The following ANO9 variants were observed in gnomAD, a reference collection of about 807,000 sequenced individuals.
ANO9 encodes anoctamin 9.
A neutral mutation model predicts 100.5 loss-of-function variants in ANO9; 80 were observed. The observed-to-expected ratio is 0.80, with a 90% CI of 0.66 to 0.96. The LOEUF is 0.96. Ranked by LOEUF, ANO9 falls within the 40% of genes least tolerant of loss-of-function variation. The pLI, the probability that ANO9 is intolerant of heterozygous loss-of-function variation, is 0.00. For missense variants in ANO9, 1,064 were observed against 1,072.7 expected, an observed-to-expected ratio of 0.99 and a Z score of 0.11; for synonymous variants, 473 against 435.6, an observed-to-expected ratio of 1.09 and a Z score of -1.07.
chr11:433,819 AT>A lies in ANO9; in HGVS notation c.199del (p.Ile67LeufsTer3). On this transcript the variant is annotated frameshift_variant, in exon 3 of 23. Transcript: ENST00000332826. LOFTEE classifies it high-confidence loss of function. The stretch of plus-strand genomic sequence containing the variant: ...CCTCGCTGGGCACCCGCCCACCTTA[AT>A]GTGGAAGCCCTTTCTCCTGAGCTCC... ...LEELRRKGFHIKVIRDQKQVF... is the reference protein window; with the variant it reads ...LEELRRKGFHXKVIRDQKQVF... 1 of 1,560,360 alleles carries A rather than the reference AT, an allele frequency of 6.4e-7. No homozygotes were observed. Among genetic ancestry groups the A allele is most frequent in the South Asian group, 1.2e-5 (1 of 84,776 alleles).
At chr11:438,243 C>G (rs1047407798) in intron 1 of ANO9, among the ~76,000 whole-genome samples, 1 of 151,856 alleles carries the variant, frequency 6.6e-6, no homozygotes, top group African/African-American at 2.4e-5. Flanking sequence ...TACACGCACA[C>G]CTGGGGCGTG....
In ANO9 at chr11:421,046, CG is replaced by C. The variant is rs1564905859; in HGVS notation, c.1393-5del. 1.3e-6 allele frequency: 2 copies of C among 1,599,778 alleles called. No individual in the cohort carries two copies. Among genetic ancestry groups the C allele is most frequent in the South Asian group, 1.1e-5 (1 of 90,574 alleles). ...TCATGCAGCCGCTGGCGTGGCACTG[CG>C]GGGCCAGACAGGAGGAGATCAGGGA... On this transcript the variant is annotated splice_polypyrimidine_tract_variant and splice_region_variant and intron_variant, in intron 16 of 22. Transcript: ENST00000332826. The surrounding 1 kb of genome is among the most constrained non-coding windows in gnomAD (Gnocchi z 6.8).
chr11:418,580 A>G lies in ANO9; in HGVS notation c.2140T>C (p.Leu714=), dbSNP rs535183935. 1 of 1,612,960 alleles carries G rather than the reference A, an allele frequency of 6.2e-7. No homozygotes were observed. The highest frequency in any genetic ancestry group is 1.7e-5 in the Admixed American group (1 of 60,030). Residue 714 remains leucine (L), a synonymous_variant, in exon 23 of 23, where the codon TTG becomes CTG. Coordinates refer to ENST00000332826, the MANE Select transcript of ANO9 (RefSeq NM_001012302.3). ...CAGGCGGCGATGAGCTTGATGCACA[A>G]GGCCACGTGCTAGCGGCAGCACAGG... ...AFVILFEHVA[L]CIKLIAAWFV... is the part of the protein sequence containing the mutation.
intron 1 of ANO9, among the ~76,000 whole-genome samples, chr11:437,356 G>A (rs1459215522): frequency 6.6e-6 from 1 of 152,192 alleles, no homozygotes; most frequent in African/African-American, 2.4e-5. Flanking sequence ...GATGGGCTCA[G>A]GTAGACACCA....
chr11:435,694 GT>G (rs1849460270), intron 1 of ANO9, among the ~76,000 whole-genome samples: 1 of 151,796 alleles, frequency 6.6e-6, no homozygotes, highest in African/African-American at 2.4e-5. Context: ...GTCTAGTCTA[GT>G]CTAGTCTAGT....
chr11:435,226 GTAGTATGGTA>G (rs1387327817), intron 1 of ANO9, among the ~76,000 whole-genome samples: 2 of 151,600 alleles, frequency 1.3e-5, no homozygotes, highest in South Asian at 2.1e-4. Context: ...GTAGCATAGG[GTAGTATGGTA>G]TAGTATGGTA....
intron 15 of ANO9, among the ~76,000 whole-genome samples, chr11:426,605 C>T (rs1187242882): frequency 2.0e-5 from 3 of 152,092 alleles, no homozygotes; most frequent in Non-Finnish European, 4.4e-5. Flanking sequence ...AAATGACAGG[C>T]TGCTGACACC....
chr11:433,553 T>TC lies in ANO9; in HGVS notation c.205-95dup, dbSNP rs947619752. 5.1e-5 allele frequency: 70 copies of TC among 1,364,354 alleles called. No homozygotes were observed. The African/African-American group carries it at 6.0e-4, about 12-fold the overall frequency. 84.5% of individuals were successfully genotyped at this position (1,364,354 alleles called of 1,614,324 possible). On this transcript the variant is annotated intron_variant, in intron 3 of 22. Transcript: ENST00000332826. The stretch of plus-strand genomic sequence containing the variant: ...CCCCCTCTATTCCACCTCAGAACCC[T>TC]CCCCCCTCTATTCCGCCTCAGAACC...
In ANO9 at chr11:429,743, C is replaced by T. The variant is rs759417136; in HGVS notation, c.832+15G>A. ...ACTTCCCCTGGCCCCGCAGAGGCGT[C>T]CCGCAGCAACTCACCCCAGAGAGCC... On this transcript the variant is annotated intron_variant, in intron 10 of 22. Coordinates refer to ENST00000332826, the MANE Select transcript of ANO9 (RefSeq NM_001012302.3). 3.7e-6 allele frequency: 6 copies of T among 1,611,514 alleles called. No individual in the cohort carries two copies. The South Asian group carries it at 6.6e-5, about 18-fold the overall frequency.
At chr11:419,148 T>C in intron 20 of ANO9, 159 bp from the exon 21 acceptor site, 1 of 1,455,558 alleles carries the variant, frequency 6.9e-7, no homozygotes. Flanking sequence ...CAAGCACATC[T>C]TCACATCCGG....
intron 15 of ANO9, among the ~76,000 whole-genome samples, chr11:423,162 A>T (rs1848295886): frequency 6.6e-6 from 1 of 152,216 alleles, no homozygotes; most frequent in Non-Finnish European, 1.5e-5. Flanking sequence ...TGACAAAATG[A>T]TTCTGACATT....
Position 421,170 on chromosome 11 carries a change from GCGTGGACTT to G in ANO9, c.1354_1362del (p.Lys452_Thr454del). ...TCCAGCTTCCACAAGCCCGCCAGGC[GCGTGGACTT>G]CCCGGGGTGGCCGTTGATCCTGGGG... is the stretch of plus-strand genomic sequence containing the variant. On this transcript the variant is annotated inframe_deletion, in exon 16 of 23. Transcript: ENST00000332826. This position sits in a 1 kb window ranked among gnomAD's most constrained non-coding sequence, Gnocchi z 6.8. 1 of 1,564,804 alleles carries G rather than the reference GCGTGGACTT, an allele frequency of 6.4e-7. No homozygotes were observed. The highest frequency in any genetic ancestry group is 1.2e-5 in the South Asian group (1 of 84,784).
rs756941852 is a variant in ANO9 at position 428,540 on chromosome 11, C to G, written c.1120G>C (p.Val374Leu). The change falls in exon 13 of 23, where the codon GTG becomes CTG. Residue 374 changes from valine (V) to leucine (L), a missense_variant. Physicochemically the swap from Val to Leu is conservative, Grantham distance 32. Coordinates refer to ENST00000332826, the MANE Select transcript of ANO9 (RefSeq NM_001012302.3). ...SSAVPFLEEQ[V>L]TTAVVVTGAL... is the part of the protein sequence containing the mutation. ...CCGGTCACCACCACGGCCGTGGTCA[C>G]CTGCTCCTCCAGGAAGGGCACGGCC... The G allele has an allele frequency of 6.8e-6, 11 of 1,612,592 alleles. No homozygotes were observed. Among genetic ancestry groups the G allele is most frequent in the Middle Eastern group, 1.6e-4 (1 of 6,084 alleles).
rs1848682101 is a variant in ANO9 at position 428,723 on chromosome 11, A to G, written c.1019T>C (p.Met340Thr). Residue 340 changes from methionine (M) to threonine (T), a missense_variant and splice_region_variant, in exon 12 of 23, where the codon ATG becomes ACG. Physicochemically the swap from Met to Thr is moderately conservative, Grantham distance 81. Transcript: ENST00000332826. Reference protein sequence around the residue: ...STVILVLTLLMICLMIGMAHV... With the variant: ...STVILVLTLLTICLMIGMAHV... ...CCCACCGCGGTGTCCCCTGCGTACC[A>G]TGAGCAGGGTCAGGACGAGGATGAC... is the stretch of plus-strand genomic sequence containing the variant. 6 of 1,613,044 alleles carry G rather than the reference A, an allele frequency of 3.7e-6. No homozygotes were observed. Among genetic ancestry groups the G allele is most frequent in the African/African-American group, 2.7e-5 (2 of 74,924 alleles).
chr11:431,857 G>T lies in ANO9; in HGVS notation c.456C>A (p.Pro152=), dbSNP rs74541064. Residue 152 remains proline (P), a synonymous_variant, in exon 6 of 23, where the codon CCC becomes CCA. Transcript: ENST00000332826. ...MKDGVFEARF[P]LHKGEGRLKK... ...CCAGCCCACCCCTCACCTTGTGCAGGGGGAACCTGGCCTCAAAGACCCCGT... is the reference window on the plus strand; with the variant it reads ...CCAGCCCACCCCTCACCTTGTGCAGTGGGAACCTGGCCTCAAAGACCCCGT... 333 of 1,610,764 alleles carry T rather than the reference G, an allele frequency of 2.1e-4. No homozygotes were observed. The African/African-American group carries it at 4.0e-3, about 20-fold the overall frequency.
At chr11:437,045 CGTGGGGGGTGAGCT>C (rs1845390781) in intron 1 of ANO9, among the ~76,000 whole-genome samples, 1 of 56,656 alleles carries the variant, frequency 1.8e-5, no homozygotes, top group African/African-American at 8.3e-5. Context: ...GCGGGGGGTG[CGTGGGGGGTGAGCT>C]GGGGGTGAAT....
In ANO9 at chr11:419,995, A is replaced by G; in HGVS notation, c.1787-266T>C. 5 of 1,363,146 alleles carry G rather than the reference A, an allele frequency of 3.7e-6. No individual in the cohort carries two copies. In the South Asian group the frequency reaches 5.1e-5, roughly 14 times the overall value. 84.4% of individuals were successfully genotyped at this position (1,363,146 alleles called of 1,614,324 possible). A position where few individuals can be genotyped will look rare whatever the true frequency, so the allele number is the denominator to read the frequency against. On this transcript the variant is annotated intron_variant, in intron 19 of 22. Coordinates refer to ENST00000332826, the MANE Select transcript of ANO9 (RefSeq NM_001012302.3). The stretch of plus-strand genomic sequence containing the variant: ...CCTGAACTTCTCAGCTGTGCCCCCC[A>G]GCCACTCCACCTCCTGGGTTCCCAC...
At chr11:441,509 G>A (rs1025178395) in intron 1 of ANO9, among the ~76,000 whole-genome samples, 6 of 151,996 alleles carry the variant, frequency 3.9e-5, no homozygotes, top group African/African-American at 1.2e-4. Flanking sequence ...CCCACAGCCC[G>A]CTCCCCCTTA....
Position 434,091 on chromosome 11 carries a change from T to A in ANO9, c.14A>T (p.Glu5Val). 1 of 1,550,420 alleles carries A rather than the reference T, an allele frequency of 6.4e-7. No homozygotes were observed. The highest frequency in any genetic ancestry group is 8.7e-7 in the Non-Finnish European group (1 of 1,147,050). MQGE[E>V]SLRILVEPEG... ...GGGCTCCACCAGGATCCGGAGGCTC[T>A]CTTCGCCCTGGGGGTTTGGGGGCAG... Residue 5 changes from glutamate (E) to valine (V), a missense_variant, in exon 2 of 23, where the codon GAG becomes GTG. Transcript: ENST00000332826.
Sources: gnomAD v4.1 joint callset for allele counts (sites outside exome capture counted in the v4.1 genomes callset) on GRCh38, gnomAD v4.1.1 for gene constraint, Gnocchi (gnomAD v3.1) non-coding constraint, MANE v1.5 for transcripts, NCBI Gene and HGNC (gene_info 2026-07-23, HGNC 2026-07-21) for gene names.